The following PLCG2 variants were observed in gnomAD, a reference collection of about 807,000 sequenced individuals.
PLCG2 encodes 1-phosphatidylinositol 4,5-bisphosphate phosphodiesterase gamma-2.
In PLCG2, 69 loss-of-function variants were observed where a neutral mutation model predicts 175.6. That is an observed-to-expected ratio of 0.39 (90% CI 0.32 to 0.48). The LOEUF is 0.48. PLCG2 is among the 20% of genes least tolerant of loss of function. The pLI is 0.91. For synonymous variants in PLCG2, 827 were observed against 624.0 expected (o/e 1.33, Z -4.85); for missense variants, 1,798 against 1,650.9 (o/e 1.09, Z -1.54).
At chr16:81,801,365 T>C (rs1481974030) in intron 2 of PLCG2, among the ~76,000 whole-genome samples, 1 of 152,240 alleles carries the variant, frequency 6.6e-6, no homozygotes, top group East Asian at 1.9e-4. Flanking sequence ...ATAATATGTT[T>C]TGCAGGTCTT....
intron 1 of PLCG2, among the ~76,000 whole-genome samples, chr16:81,752,463 T>C (rs1040823968): frequency 6.6e-6 from 1 of 152,262 alleles, no homozygotes; most frequent in East Asian, 1.9e-4. Flanking sequence ...CGGCTGGCCG[T>C]GGCAGCACTA....
chr16:81,757,726 A>G (rs1909958293), intron 2 of PLCG2, among the ~76,000 whole-genome samples: 1 of 152,176 alleles, frequency 6.6e-6, no homozygotes, highest in Non-Finnish European at 1.5e-5. Context: ...TAGTGTATTC[A>G]CAGAGCACTG....
rs1909324947 is a variant in PLCG2, at chr16:81,905,443, T to A, written c.1403T>A (p.Met468Lys). ...CCCCGAGGCGATGTGGATGTCAACA[T>A]GGAGGACAAGAAGGACGAACACAAG... Reference protein sequence around the residue: ...LGPRGDVDVNMEDKKDEHKQQ... With the variant: ...LGPRGDVDVNKEDKKDEHKQQ... The change falls in exon 15 of 33, where the codon ATG becomes AAG. Residue 468 changes from methionine (M) to lysine (K), a missense_variant. Met to Lys is a moderately conservative substitution (Grantham distance 95). Transcript: ENST00000564138. 1 of 1,614,052 alleles carries A rather than the reference T, an allele frequency of 6.2e-7. No individual in the cohort carries two copies. The highest frequency in any genetic ancestry group is 8.5e-7 in the Non-Finnish European group (1 of 1,180,016).
At chr16:81,844,934 C>T (rs1013523273) in intron 2 of PLCG2, among the ~76,000 whole-genome samples, 1 of 151,968 alleles carries the variant, frequency 6.6e-6, no homozygotes, top group Admixed American at 6.6e-5. Context: ...ACACCATGTT[C>T]TTTCTTTTTT....
intron 1 of PLCG2, among the ~76,000 whole-genome samples, chr16:81,784,667 G>C (rs976185532): frequency 2.0e-5 from 3 of 152,188 alleles, no homozygotes; most frequent in African/African-American, 7.2e-5. Flanking sequence ...AAGGAGTGCT[G>C]ACTTTGTATC....
rs759995209 is a variant in PLCG2, at chr16:81,936,192, C to T, written c.2866C>T (p.Arg956Cys). The T allele has an allele frequency of 3.7e-5, 60 of 1,613,984 alleles. No individual in the cohort carries two copies. The highest frequency in any genetic ancestry group is 3.6e-5 in the Non-Finnish European group (43 of 1,180,038). Residue 956 changes from arginine to cysteine, a missense_variant, in exon 27 of 33, where the codon CGC becomes TGC. Coordinates refer to ENST00000564138, the MANE Select transcript of PLCG2 (RefSeq NM_002661.5). ...NLENPDFREI[R>C]SFVETKADSI... ...AGAAAATCCTGACTTCCGAGAAATC[C>T]GCTCCTTTGTGGAGACGAAGGCTGA...
chr16:81,791,869 C>T (rs1489187405), intron 2 of PLCG2, among the ~76,000 whole-genome samples: 1 of 152,152 alleles, frequency 6.6e-6, no homozygotes, highest in Non-Finnish European at 1.5e-5. Context: ...CCAGCCTTAG[C>T]TGGGACTGTT....
chr16:81,910,042 C>A (rs990416943), intron 17 of PLCG2, among the ~76,000 whole-genome samples: 1 of 151,846 alleles, frequency 6.6e-6, no homozygotes, highest in African/African-American at 2.4e-5. Flanking sequence ...GTAGAATGTT[C>A]TGGAATCCAG....
At chr16:81,882,279 C>A (rs1016321144) in intron 8 of PLCG2, among the ~76,000 whole-genome samples, 1 of 152,172 alleles carries the variant, frequency 6.6e-6, no homozygotes, top group Admixed American at 6.5e-5. Context: ...AGGCGGGAGT[C>A]CTGCCTTTAT....
chr16:81,913,507 C>T (rs564151220), intron 19 of PLCG2, among the ~76,000 whole-genome samples: 1 of 152,350 alleles, frequency 6.6e-6, no homozygotes, highest in African/African-American at 2.4e-5. Flanking sequence ...AGATGCAGGC[C>T]TGTCCGTCTC....
chr16:81,939,507 G>A (rs937392956), intron 29 of PLCG2, among the ~76,000 whole-genome samples: 1 of 152,178 alleles, frequency 6.6e-6, no homozygotes, highest in Non-Finnish European at 1.5e-5. Flanking sequence ...GTGAGGCTGG[G>A]CTCTCCCCTG....
intron 23 of PLCG2, among the ~76,000 whole-genome samples, chr16:81,927,735 T>G (rs4888189): frequency 0.7 from 106,309 of 152,076 alleles, 38,153 homozygotes; most frequent in East Asian, 0.82. Context: ...TTCTAAGGGA[T>G]GTAGGGCAAT....
intron 31 of PLCG2, among the ~76,000 whole-genome samples, chr16:81,951,101 A>C (rs1911347719): frequency 6.6e-6 from 1 of 152,146 alleles, no homozygotes; most frequent in Non-Finnish European, 1.5e-5. Context: ...GATCTTCCTG[A>C]GTAGCTGGGA....
At chr16:81,870,981 C>A in intron 7 of PLCG2, 46 bp downstream of exon 7, 1 of 1,060,462 alleles carries the variant, frequency 9.4e-7, no homozygotes, top group South Asian at 1.4e-5. Flanking sequence ...TTCTGTTTTC[C>A]ATGTATTTCC....
chr16:81,752,446 G>A (rs549610234), intron 1 of PLCG2, among the ~76,000 whole-genome samples: 3 of 152,288 alleles, frequency 2.0e-5, no homozygotes, highest in East Asian at 1.9e-4. Context: ...TTTTCCTGGG[G>A]TGGAGGCGGC....
chr16:81,755,723 A>T (rs936034816), intron 1 of PLCG2: 1 of 151,758 alleles, frequency 6.6e-6, no homozygotes, highest in East Asian at 1.9e-4. Context: ...ATGGGGTTTT[A>T]CCATGTTGGC....
Position 81,908,444 on chromosome 16 carries a change from G to T in PLCG2, c.1586G>T (p.Gly529Val), listed in dbSNP as rs1013382788. 8 of 1,614,104 alleles carry T rather than the reference G, an allele frequency of 5.0e-6. No individual in the cohort carries two copies. Among genetic ancestry groups the T allele is most frequent in the Non-Finnish European group, 6.8e-6 (8 of 1,180,008 alleles). The change falls in exon 17 of 33, where the codon GGG becomes GTG. Residue 529 changes from glycine to valine, a missense_variant. Physicochemically the swap from Gly to Val is moderately radical, Grantham distance 109. Coordinates refer to ENST00000564138, the MANE Select transcript of PLCG2 (RefSeq NM_002661.5). The stretch of plus-strand genomic sequence containing the variant: ...ATACCCCCTACAGAACTACATTTTG[G>T]GGAGAAATGGTTCCACAAGAAGGTG... ...QDIPPTELHF[G>V]EKWFHKKVEK...
intron 2 of PLCG2, among the ~76,000 whole-genome samples, chr16:81,830,564 T>A: frequency 6.6e-6 from 1 of 151,976 alleles, no homozygotes; most frequent in East Asian, 1.9e-4. Context: ...GGCCTCAGCC[T>A]CCCAAAGTGC....
At chr16:81,930,632 C>T (rs544695517) in intron 24 of PLCG2, among the ~76,000 whole-genome samples, 53 of 148,530 alleles carry the variant, frequency 3.6e-4, no homozygotes, top group African/African-American at 1.3e-3. Context: ...CCTGTGGTCT[C>T]AGCTACTAGG....
Sources: allele counts gnomAD v4.1 joint callset (sites outside exome capture counted in the v4.1 genomes callset), GRCh38; gene constraint gnomAD v4.1.1; transcripts MANE v1.5; gene names NCBI Gene and HGNC (gene_info 2026-07-23, HGNC 2026-07-21).